NRG3: variants seen among roughly 807,000 people sequenced by gnomAD.
The protein encoded by NRG3 is neuregulin 3.
Under a neutral mutation model 66.9 loss-of-function variants are expected in NRG3, and 31 were observed. The ratio of observed to expected loss-of-function variants is 0.46; its 90% CI spans 0.35 to 0.63. The LOEUF is 0.63. Among genes scored for constraint, NRG3 ranks in the 20% least tolerant of loss-of-function variants. The pLI is 0.00. For synonymous variants in NRG3, 393 were observed against 359.4 expected (o/e 1.09, Z -1.06); for missense variants, 910 against 878.9 (o/e 1.04, Z -0.45).
At chr10:82,499,652 C>T (rs1843965162) in intron 2 of NRG3, among the ~76,000 whole-genome samples, 1 of 152,100 alleles carries the variant, frequency 6.6e-6, no homozygotes, top group Non-Finnish European at 1.5e-5. Context: ...GCTACTGTTT[C>T]TTACATTCTG....
chr10:82,054,842 T>TAA (rs57587131), intron 1 of NRG3, among the ~76,000 whole-genome samples: 1 of 150,722 alleles, frequency 6.6e-6, no homozygotes. Flanking sequence ...CCCAGATCTA[T>TAA]AAAAAAAAAT....
chr10:82,391,535 A>G (rs912529566), intron 2 of NRG3, among the ~76,000 whole-genome samples: 1 of 152,068 alleles, frequency 6.6e-6, no homozygotes, highest in African/African-American at 2.4e-5. Flanking sequence ...TGGGAGTGAT[A>G]TATGTAATTT....
At chr10:82,790,245 G>T (rs2060531137) in intron 3 of NRG3, among the ~76,000 whole-genome samples, 1 of 151,968 alleles carries the variant, frequency 6.6e-6, no homozygotes, top group African/African-American at 2.4e-5. Flanking sequence ...CTTCATTTTA[G>T]CCTGAAGGAC....
chr10:82,319,981 C>G (rs1185979856), intron 1 of NRG3, among the ~76,000 whole-genome samples: 1 of 152,126 alleles, frequency 6.6e-6, no homozygotes, highest in East Asian at 1.9e-4. Context: ...CTTTTCAAAG[C>G]CTTTCAGAGT....
At chr10:82,627,450 A>C (rs1381966963) in intron 2 of NRG3, among the ~76,000 whole-genome samples, 1 of 152,132 alleles carries the variant, frequency 6.6e-6, no homozygotes, top group Non-Finnish European at 1.5e-5. Context: ...AAATCACATC[A>C]GCTTATATTT....
At chr10:82,075,432 C>A (rs976215836) in intron 1 of NRG3, among the ~76,000 whole-genome samples, 8 of 151,946 alleles carry the variant, frequency 5.3e-5, no homozygotes, top group East Asian at 1.9e-4. Context: ...TGGTTATATA[C>A]AGATAGAAAA....
chr10:82,004,911 T>G lies in NRG3; in HGVS notation c.823+128748T>G, dbSNP rs1387422428. 5.3e-5 allele frequency among the ~76,000 whole-genome samples: 8 copies of G among 152,168 alleles called. 1 individual carries two copies. Reference sequence around the variant, plus strand: ...CTAGCCTCCAACATTGTTGAGAAAATGAATTGCAGTTGTTTAAGCCACTAA... The same window carrying G: ...CTAGCCTCCAACATTGTTGAGAAAAGGAATTGCAGTTGTTTAAGCCACTAA... On this transcript the variant is annotated intron_variant, in intron 1 of 8. Coordinates refer to ENST00000372141, the MANE Select transcript of NRG3 (RefSeq NM_001010848.4).
At chr10:82,645,805 A>G (rs989692959) in intron 2 of NRG3, among the ~76,000 whole-genome samples, 2 of 151,400 alleles carry the variant, frequency 1.3e-5, no homozygotes, top group African/African-American at 4.9e-5. Context: ...GGCCTCTTTC[A>G]TTTTTCCAAA....
chr10:82,984,879 C>G (rs763794529), intron 8 of NRG3: 1 of 1,389,306 alleles, frequency 7.2e-7, no homozygotes, highest in Non-Finnish European at 1.0e-6. Flanking sequence ...GTTTGAGTCT[C>G]AGTCTGTCAC....
intron 1 of NRG3, among the ~76,000 whole-genome samples, chr10:82,133,398 G>A (rs746475959): frequency 2.0e-5 from 3 of 151,864 alleles, no homozygotes; most frequent in Non-Finnish European, 2.9e-5. Flanking sequence ...TTTTCTGTTC[G>A]TCTCCCTCCT....
chr10:82,883,114 T>C (rs1485772516), intron 4 of NRG3, among the ~76,000 whole-genome samples: 1 of 152,214 alleles, frequency 6.6e-6, no homozygotes, highest in Non-Finnish European at 1.5e-5. Flanking sequence ...CAAATGTAGT[T>C]ACATAATATG....
At chr10:82,558,866 T>A (rs768372768) in intron 2 of NRG3, among the ~76,000 whole-genome samples, 11 of 152,282 alleles carry the variant, frequency 7.2e-5, no homozygotes, top group Non-Finnish European at 1.2e-4. Context: ...TATATAGTCT[T>A]CCATGTTTTT....
chr10:82,415,080 C>T (rs1056032722), intron 2 of NRG3, among the ~76,000 whole-genome samples: 14 of 152,086 alleles, frequency 9.2e-5, no homozygotes, highest in African/African-American at 2.9e-4. Flanking sequence ...ATCATTTAGC[C>T]AAATTGACAT....
chr10:82,692,000 G>T (rs1448062701), intron 2 of NRG3, among the ~76,000 whole-genome samples: 2 of 152,142 alleles, frequency 1.3e-5, no homozygotes, highest in Non-Finnish European at 2.9e-5. Context: ...GGTAACAATT[G>T]GCAGGCGCAG....
rs543096592 is a variant in NRG3, at chr10:82,040,302, A to T, written c.823+164139A>T. Among the ~76,000 whole-genome samples the T allele has an allele frequency of 3.2e-3, 487 of 152,196 alleles. 1 individual carries two copies. The highest frequency in any genetic ancestry group is 5.6e-3 in the South Asian group (27 of 4,828). On this transcript the variant is annotated intron_variant, in intron 1 of 8. Transcript: ENST00000372141. Reference sequence around the variant, plus strand: ...TATATACATCCATGCATATGTATACATGTATAGTATACACAAATATACCCA... The same window carrying T: ...TATATACATCCATGCATATGTATACTTGTATAGTATACACAAATATACCCA...
intron 1 of NRG3, among the ~76,000 whole-genome samples, chr10:82,095,544 G>T (rs1310298450): frequency 6.6e-6 from 1 of 152,108 alleles, no homozygotes; most frequent in African/African-American, 2.4e-5. Flanking sequence ...TTCCTGGCCC[G>T]ATTGCTCAAG....
intron 1 of NRG3, among the ~76,000 whole-genome samples, chr10:81,913,502 C>T (rs1845376170): frequency 6.6e-6 from 1 of 151,904 alleles, no homozygotes; most frequent in Non-Finnish European, 1.5e-5. Context: ...CGGCTCACTG[C>T]AACCTCTGCC....
At chr10:82,314,374 C>T (rs2081186398) in intron 1 of NRG3, among the ~76,000 whole-genome samples, 1 of 152,054 alleles carries the variant, frequency 6.6e-6, no homozygotes, top group African/African-American at 2.4e-5. Flanking sequence ...TCTAAAATTG[C>T]CAGATGTCAG....
intron 1 of NRG3, among the ~76,000 whole-genome samples, chr10:82,101,742 C>A (rs2066733639): frequency 6.6e-6 from 1 of 150,782 alleles, no homozygotes; most frequent in South Asian, 2.1e-4. Context: ...GTTTAATAAG[C>A]AAGGAAAGGG....
Sources: gnomAD v4.1 joint callset for allele counts (sites outside exome capture counted in the v4.1 genomes callset) on GRCh38, gnomAD v4.1.1 for gene constraint, MANE v1.5 for transcripts, NCBI Gene and HGNC (gene_info 2026-07-23, HGNC 2026-07-21) for gene names.